The following EPB41L1 variants were observed in gnomAD, a reference collection of about 807,000 sequenced individuals.
EPB41L1 encodes the protein band 4.1-like protein 1.
In EPB41L1, 29 loss-of-function variants were observed where a neutral mutation model predicts 97.8. That is an observed-to-expected ratio of 0.30 (90% CI 0.22 to 0.40). EPB41L1 has a LOEUF of 0.40. Among genes scored for constraint, EPB41L1 ranks in the 10% least tolerant of loss-of-function variants. The pLI is 1.00. For missense variants in EPB41L1, 812 were observed against 1,162.3 expected (o/e 0.70, Z 4.38); for synonymous variants, 383 against 459.2 (o/e 0.83, Z 2.12).
In EPB41L1 at chr20:36,207,229, C is replaced by G. The variant is rs1274718348; in HGVS notation, c.1669-2259C>G. 7.8e-7 allele frequency: 1 copy of G among 1,281,338 alleles called. No individual in the cohort carries two copies. The highest frequency in any genetic ancestry group is 2.3e-5 in the Admixed American group (1 of 42,882). The allele number at this position is 1,281,338 out of a possible 1,614,324, so 79.4% of individuals were successfully genotyped here. On this transcript the variant is annotated intron_variant, in intron 14 of 21. Coordinates refer to ENST00000338074, the MANE Select transcript of EPB41L1 (RefSeq NM_012156.2). This position sits in a 1 kb window ranked among gnomAD's most constrained non-coding sequence, Gnocchi z 4.9. ...CCATCTTTCGAAAGCCAGCCCAGAGCCCAAGGACCAAGTAGGGTTTGTGGT... is the reference window on the plus strand; with the variant it reads ...CCATCTTTCGAAAGCCAGCCCAGAGGCCAAGGACCAAGTAGGGTTTGTGGT...
chr20:36,210,727 G>GC (rs1775128089), intron 15 of EPB41L1, among the ~76,000 whole-genome samples: 1 of 151,768 alleles, frequency 6.6e-6, no homozygotes, highest in African/African-American at 2.4e-5. Context: ...CAGAAATATC[G>GC]CCCCCCTACC....
intron 1 of EPB41L1, among the ~76,000 whole-genome samples, chr20:36,098,817 C>T (rs1291512190): frequency 6.6e-6 from 1 of 152,066 alleles, no homozygotes; most frequent in Admixed American, 6.6e-5. Flanking sequence ...TGCAGTGGAG[C>T]CTCTATGAAA....
chr20:36,122,115 C>T (rs2058770709), intron 2 of EPB41L1, among the ~76,000 whole-genome samples: 1 of 152,136 alleles, frequency 6.6e-6, no homozygotes. Context: ...GTGCACCTGG[C>T]CAGGTGGAGA....
In EPB41L1 at chr20:36,207,547, G is replaced by A. The variant is rs908565628; in HGVS notation, c.1669-1941G>A. 28 of 1,289,782 alleles carry A rather than the reference G, an allele frequency of 2.2e-5. No homozygotes were observed. The highest frequency in any genetic ancestry group is 2.6e-5 in the Non-Finnish European group (26 of 988,894). 79.9% of individuals were successfully genotyped at this position (1,289,782 alleles called of 1,614,324 possible). A position where few individuals can be genotyped will look rare whatever the true frequency, so the allele number is the denominator to read the frequency against. The stretch of plus-strand genomic sequence containing the variant: ...AAATGACGTATCTTCAGAGGCACCC[G>A]TGGGACAAGCAGAGCAGCAGCGGAG... On this transcript the variant is annotated intron_variant, in intron 14 of 21. Coordinates refer to ENST00000338074, the MANE Select transcript of EPB41L1 (RefSeq NM_012156.2). This position sits in a 1 kb window ranked among gnomAD's most constrained non-coding sequence, Gnocchi z 4.9.
Position 36,209,118 on chromosome 20 carries a change from G to C in EPB41L1, c.1669-370G>C, listed in dbSNP as rs1306132087. ...TCTCAACGCCCACCTGCACGGATGG[G>C]CCTGGGGTCCGGGCTTCCATCCCTG... On this transcript the variant is annotated intron_variant, in intron 14 of 21. Transcript: ENST00000338074. The surrounding 1 kb of genome is among the most constrained non-coding windows in gnomAD (Gnocchi z 4.2). Among the ~76,000 whole-genome samples, 2 of 152,256 alleles carry C rather than the reference G, an allele frequency of 1.3e-5. No individual in the cohort carries two copies. Among genetic ancestry groups the C allele is most frequent in the South Asian group, 2.1e-4 (1 of 4,818 alleles).
intron 2 of EPB41L1, among the ~76,000 whole-genome samples, chr20:36,145,220 C>G (rs997660023): frequency 2.6e-5 from 4 of 151,896 alleles, no homozygotes; most frequent in Non-Finnish European, 5.9e-5. Flanking sequence ...AAACCCCCGT[C>G]TCTACTAAAA....
Position 36,190,698 on chromosome 20 carries a change from G to A in EPB41L1, c.1201G>A (p.Ala401Thr). 1.2e-6 allele frequency: 2 copies of A among 1,614,148 alleles called. No individual in the cohort carries two copies. Among genetic ancestry groups the A allele is most frequent in the Non-Finnish European group, 1.7e-6 (2 of 1,180,030 alleles). Reference sequence around the variant, plus strand: ...GTTCCGGTACAGTGGGAGGACCCAGGCACAGACTCGCCAGGCCAGCGCCCT... The same window carrying A: ...GTTCCGGTACAGTGGGAGGACCCAGACACAGACTCGCCAGGCCAGCGCCCT... Reference protein sequence around the residue: ...SKFRYSGRTQAQTRQASALID... With the variant: ...SKFRYSGRTQTQTRQASALID... Residue 401 changes from alanine (A) to threonine (T), a missense_variant, in exon 11 of 22, where the codon GCA becomes ACA. By Grantham distance (58) the Ala-to-Thr change is moderately conservative. Around this residue, in one of 3 missense-constraint regions of EPB41L1, gnomAD observed 230 missense variants for 445.2 expected, o/e 0.52. Coordinates refer to ENST00000338074, the MANE Select transcript of EPB41L1 (RefSeq NM_012156.2). This position sits in a 1 kb window ranked among gnomAD's most constrained non-coding sequence, Gnocchi z 5.8.
rs747083080 is a variant in EPB41L1 at position 36,209,277 on chromosome 20, G to T, written c.1669-211G>T. On this transcript the variant is annotated intron_variant, in intron 14 of 21. Coordinates refer to ENST00000338074, the MANE Select transcript of EPB41L1 (RefSeq NM_012156.2). The surrounding 1 kb of genome is among the most constrained non-coding windows in gnomAD (Gnocchi z 4.2). Reference sequence around the variant, plus strand: ...ATCAGTGTGAGACCCTCAGAAAGGGGCATCTCCACTCTTGAGTCGTTTTTG... The same window carrying T: ...ATCAGTGTGAGACCCTCAGAAAGGGTCATCTCCACTCTTGAGTCGTTTTTG... Among the ~76,000 whole-genome samples the T allele has an allele frequency of 1.3e-5, 2 of 152,146 alleles. No homozygotes were observed. The highest frequency in any genetic ancestry group is 2.9e-5 in the Non-Finnish European group (2 of 68,022).
At chr20:36,121,997 A>G in intron 2 of EPB41L1, among the ~76,000 whole-genome samples, 1 of 152,188 alleles carries the variant, frequency 6.6e-6, no homozygotes, top group East Asian at 1.9e-4. Flanking sequence ...GCCAGGTGTC[A>G]CCAAACTATG....
At chr20:36,151,171 A>C (rs2060033173), upstream of EPB41L1, 2 of 152,440 alleles carry the variant, frequency 1.3e-5, no homozygotes, top group African/African-American at 4.8e-5. Context: ...CAGCCAGTGG[A>C]GCGAATCACT....
chr20:36,163,825 T>A, intron 1 of EPB41L1, among the ~76,000 whole-genome samples: 1 of 151,976 alleles, frequency 6.6e-6, no homozygotes, highest in East Asian at 1.9e-4. Flanking sequence ...AGGATCTCTC[T>A]CCTTCCACCT....
intron 1 of EPB41L1, among the ~76,000 whole-genome samples, chr20:36,095,217 C>T: frequency 6.6e-6 from 1 of 152,162 alleles, no homozygotes; most frequent in Non-Finnish European, 1.5e-5. Flanking sequence ...GGTGATCCAC[C>T]CGCCTCGGCC....
intron 1 of EPB41L1, among the ~76,000 whole-genome samples, chr20:36,099,707 A>G (rs541809256): frequency 5.3e-5 from 8 of 152,140 alleles, no homozygotes; most frequent in Non-Finnish European, 8.8e-5. Context: ...GGAGGGAAAC[A>G]TGCTCAGGGA....
chr20:36,128,492 CA>C (rs1424646898), intron 2 of EPB41L1, among the ~76,000 whole-genome samples: 2 of 152,158 alleles, frequency 1.3e-5, no homozygotes, highest in Non-Finnish European at 2.9e-5. Flanking sequence ...CCAGGGACCT[CA>C]AATGAGGATT....
At chr20:36,144,862 A>G (rs1464659798) in intron 2 of EPB41L1, among the ~76,000 whole-genome samples, 2 of 152,330 alleles carry the variant, frequency 1.3e-5, no homozygotes, top group East Asian at 3.9e-4. Context: ...AATCCTTATA[A>G]TAACTCCATA....
intron 9 of EPB41L1, among the ~76,000 whole-genome samples, chr20:36,189,614 T>G (rs975785633): frequency 1.3e-5 from 2 of 152,214 alleles, no homozygotes; most frequent in Non-Finnish European, 2.9e-5. Flanking sequence ...CACCTAGATC[T>G]AGGTCTAGAG....
In EPB41L1 at chr20:36,213,131, C is replaced by G. The variant is rs188178771; in HGVS notation, c.2184+755C>G. 4.2e-3 allele frequency among the ~76,000 whole-genome samples: 644 copies of G among 152,330 alleles called. 2 individuals carry two copies. The highest frequency in any genetic ancestry group is 5.6e-3 in the Non-Finnish European group (381 of 68,034). On this transcript the variant is annotated intron_variant, in intron 16 of 21. Transcript: ENST00000338074. ...ACTGAAATAAGACCAGGCACAGTGG[C>G]TCACATCTGTAATCCCAGCACTTTG...
chr20:36,227,338 C>T (rs183889166), intron 21 of EPB41L1, among the ~76,000 whole-genome samples: 9 of 152,040 alleles, frequency 5.9e-5, no homozygotes, highest in African/African-American at 9.6e-5. Context: ...AAAAACGAAA[C>T]GAAGGAAGGA....
rs186343696 is a variant in EPB41L1 at position 36,106,372 on chromosome 20, G to T, written c.-64-6054G>T. Among the ~76,000 whole-genome samples the T allele has an allele frequency of 3.2e-3, 495 of 152,350 alleles. 8 individuals are homozygous for T. Among genetic ancestry groups the T allele is most frequent in the African/African-American group, 0.011 (468 of 41,594 alleles). On this transcript the variant is annotated intron_variant, in intron 1 of 19. Transcript: ENST00000202028. ...TACTTCTAGAAGGCTGAGCCTCGGG[G>T]TAGGCCCCTGCCAAAGTTTAGGGAC...
Sources: gnomAD v4.1 joint callset for allele counts (sites outside exome capture counted in the v4.1 genomes callset) on GRCh38, gnomAD v4.1.1 for gene constraint, gnomAD v4.1.1 regional missense constraint, Gnocchi (gnomAD v3.1) non-coding constraint, MANE v1.5 for transcripts, NCBI Gene and HGNC (gene_info 2026-07-23, HGNC 2026-07-21) for gene names.